IQCJ: variants seen among roughly 807,000 people sequenced by gnomAD.
IQCJ encodes IQ motif containing J, also known as IQ domain-containing protein J.
IQCJ carries 9 observed loss-of-function variants against 11.0 expected under a neutral mutation model. The observed-to-expected ratio is 0.82, with a 90% confidence interval of 0.49 to 1.43. The LOEUF is 1.43. Ranked by LOEUF, IQCJ falls within the 40% of genes most tolerant of loss-of-function variation. The pLI is 0.00. For missense variants in IQCJ, 146 were observed against 133.2 expected (o/e 1.10, Z -0.47); for synonymous variants, 55 against 51.3 (o/e 1.07, Z -0.31).
At chr3:159,242,972 A>G (rs1245107679) in intron 1 of IQCJ, among the ~76,000 whole-genome samples, 1 of 152,138 alleles carries the variant, frequency 6.6e-6, no homozygotes, top group Non-Finnish European at 1.5e-5. Flanking sequence ...AAGACATATA[A>G]CTCAGTTAAA....
chr3:159,144,661 G>GACACACACACACAC (rs10561081), intron 1 of IQCJ, among the ~76,000 whole-genome samples: 28 of 150,336 alleles, frequency 1.9e-4, no homozygotes, highest in African/African-American at 6.8e-4. Flanking sequence ...TACACACACA[G>GACACACACACACAC]ACACACACAC....
chr3:159,265,436 A>G, downstream of IQCJ: 1 of 1,539,442 alleles, frequency 6.5e-7, no homozygotes, highest in South Asian at 1.1e-5. Context: ...GAATAGGATG[A>G]TCCCTGGCCT....
At chr3:159,143,331 T>G (rs1224588795) in intron 1 of IQCJ, among the ~76,000 whole-genome samples, 1 of 152,192 alleles carries the variant, frequency 6.6e-6, no homozygotes, top group Non-Finnish European at 1.5e-5. Flanking sequence ...ATTCTCAGGG[T>G]TCTTTCTATT....
chr3:159,077,806 A>G (rs1421913600), intron 1 of IQCJ, among the ~76,000 whole-genome samples: 2 of 152,054 alleles, frequency 1.3e-5, no homozygotes, highest in Non-Finnish European at 2.9e-5. Context: ...TTTACAACTT[A>G]AAAAAAGTTA....
chr3:159,188,049 C>T (rs1024657538), intron 1 of IQCJ, among the ~76,000 whole-genome samples: 1 of 152,190 alleles, frequency 6.6e-6, no homozygotes, highest in Admixed American at 6.5e-5. Context: ...ACTATTTGAA[C>T]AGGAATAGTT....
intron 1 of IQCJ, among the ~76,000 whole-genome samples, chr3:159,127,902 A>G (rs1719772117): frequency 6.6e-6 from 1 of 152,180 alleles, no homozygotes; most frequent in Non-Finnish European, 1.5e-5. Context: ...AATGCTTCTC[A>G]TTTAATCTGG....
At chr3:159,235,610 A>G (rs1726533604) in intron 1 of IQCJ, among the ~76,000 whole-genome samples, 1 of 152,142 alleles carries the variant, frequency 6.6e-6, no homozygotes, top group Non-Finnish European at 1.5e-5. Context: ...CTGTAAGTGT[A>G]CCCTTCCAGA....
At chr3:159,069,503 T>G (rs982621177) in intron 1 of IQCJ, 62 bp downstream of exon 1, 39 of 1,561,670 alleles carry the variant, frequency 2.5e-5, no homozygotes, top group Non-Finnish European at 3.2e-5. Flanking sequence ...CTGCTTATTA[T>G]TTTTTAAAAA....
intron 1 of IQCJ, among the ~76,000 whole-genome samples, chr3:159,194,660 A>G (rs1200014104): frequency 6.6e-6 from 1 of 152,158 alleles, no homozygotes. Context: ...CTTGCATAGT[A>G]TATCTATTTT....
intron 1 of IQCJ, among the ~76,000 whole-genome samples, chr3:159,181,257 T>C (rs1723075366): frequency 6.6e-6 from 1 of 151,474 alleles, no homozygotes; most frequent in Non-Finnish European, 1.5e-5. Flanking sequence ...CCTGCCTCAG[T>C]AGGATTCTTT....
At position 159,241,067 on chromosome 3, in the gene IQCJ, A is replaced by G. The variant is rs904456253; in HGVS notation, c.10-4776A>G. Among the ~76,000 whole-genome samples, 4 of 152,170 alleles carry G rather than the reference A, an allele frequency of 2.6e-5. No individual in the cohort carries two copies. In the East Asian group the frequency reaches 7.7e-4, roughly 29 times the overall value. On this transcript the variant is annotated intron_variant, in intron 1 of 3. Coordinates refer to ENST00000397832, the MANE Select transcript of IQCJ (RefSeq NM_001042706.3). ...CAGGATTCTTTTACTTGTATAAAAA[A>G]CAACAACAAAACAAAACAGAAACCC...
chr3:159,178,742 A>G (rs190564065), intron 1 of IQCJ, among the ~76,000 whole-genome samples: 125 of 152,210 alleles, frequency 8.2e-4, no homozygotes, highest in African/African-American at 2.9e-3. Context: ...TAACCCTCAA[A>G]CAGCTCTATA....
intron 1 of IQCJ, among the ~76,000 whole-genome samples, chr3:159,149,531 G>A (rs866209873): frequency 2.0e-5 from 3 of 152,236 alleles, no homozygotes; most frequent in Middle Eastern, 6.8e-3. Flanking sequence ...AACATTAAGA[G>A]GCTGTTTGGG....
At chr3:159,256,181 A>T (rs1425884170) in intron 3 of IQCJ, among the ~76,000 whole-genome samples, 1 of 152,212 alleles carries the variant, frequency 6.6e-6, no homozygotes, top group African/African-American at 2.4e-5. Context: ...CCCCTTCCAT[A>T]CATTTTTAAC....
At chr3:159,255,967 G>A (rs910283852) in intron 3 of IQCJ, among the ~76,000 whole-genome samples, 4 of 152,194 alleles carry the variant, frequency 2.6e-5, no homozygotes, top group Non-Finnish European at 5.9e-5. Flanking sequence ...CAAGCTTTGG[G>A]GGATGAAGGT....
chr3:159,216,511 A>T (rs1031684737), intron 1 of IQCJ, among the ~76,000 whole-genome samples: 9 of 152,144 alleles, frequency 5.9e-5, no homozygotes, highest in Admixed American at 4.6e-4. Flanking sequence ...ATAGTTATTT[A>T]ATAAACATCC....
At chr3:159,245,953 T>C (rs1487610108) in intron 2 of IQCJ, 46 bp downstream of exon 2, 1 of 1,407,622 alleles carries the variant, frequency 7.1e-7, no homozygotes, top group South Asian at 1.3e-5. Flanking sequence ...GTTGGAAAGC[T>C]TGAGTAAAAA....
chr3:159,178,398 CT>C (rs1432346908), intron 1 of IQCJ, among the ~76,000 whole-genome samples: 14 of 152,304 alleles, frequency 9.2e-5, no homozygotes, highest in Non-Finnish European at 1.3e-4. Flanking sequence ...AAACCACTTA[CT>C]CTGACAACTG....
At chr3:159,103,271 C>A in intron 1 of IQCJ, among the ~76,000 whole-genome samples, 1 of 152,286 alleles carries the variant, frequency 6.6e-6, no homozygotes, top group Non-Finnish European at 1.5e-5. Flanking sequence ...GCAGGAAATA[C>A]GTGGTTTTCC....
Sources: allele counts gnomAD v4.1 joint callset (sites outside exome capture counted in the v4.1 genomes callset), GRCh38; gene constraint gnomAD v4.1.1; transcripts MANE v1.5; gene names NCBI Gene and HGNC (gene_info 2026-07-23, HGNC 2026-07-21).